The following ATRX variants were observed in gnomAD, a reference collection of about 807,000 sequenced individuals.
ATRX encodes the protein ATRX chromatin remodeler.
ATRX carries 12 observed loss-of-function variants against 172.6 expected under a neutral mutation model. The ratio of observed to expected loss-of-function variants is 0.07; its 90% CI spans 0.04 to 0.11. The LOEUF is 0.11. ATRX is among the 10% of genes least tolerant of loss of function. The probability of loss-of-function intolerance (pLI) is 1.00; values close to 1 mark genes in which losing one functional copy is unlikely to be tolerated. For missense variants in ATRX, 1,368 were observed against 1,767.4 expected (o/e 0.77, Z 4.05); for synonymous variants, 674 against 594.7 (o/e 1.13, Z -1.94).
intron 2 of ATRX, among the ~76,000 whole-genome samples, chrX:77,710,639 C>A (rs782198058): frequency 6.3e-5 from 7 of 111,323 alleles, no homozygotes; most frequent in Admixed American, 1.9e-4. Flanking sequence ...TTGATACATA[C>A]AACAACCTCA....
At chrX:77,647,076 TA>T in intron 15 of ATRX, among the ~76,000 whole-genome samples, 1 of 111,485 alleles carries the variant, frequency 9.0e-6, no homozygotes, top group African/African-American at 3.3e-5. Flanking sequence ...GAGACTGAAG[TA>T]TCTTTTCCAG....
intron 1 of ATRX, among the ~76,000 whole-genome samples, chrX:77,736,797 G>A (rs1426379862): frequency 8.9e-6 from 1 of 112,005 alleles, no homozygotes; most frequent in Non-Finnish European, 1.9e-5. Flanking sequence ...GTTCCCAATA[G>A]CCAGGTTTGG....
chrX:77,745,173 G>GAAAAAAAAAAAAAAAAAAAAAAA (rs1247509964), intron 1 of ATRX, among the ~76,000 whole-genome samples: 1 of 27,446 alleles, frequency 3.6e-5, no homozygotes, highest in Non-Finnish European at 6.4e-5. Context: ...TCTCAAAAAT[G>GAAAAAAAAAAAAAAAAAAAAAAA]AAAAAAAAAA....
At chrX:77,532,672 C>A (rs782644073) in intron 30 of ATRX, among the ~76,000 whole-genome samples, 10 of 111,924 alleles carry the variant, frequency 8.9e-5, no homozygotes, top group African/African-American at 3.2e-4. Context: ...AAATGTAAAA[C>A]TCCAAACTAT....
At chrX:77,571,982 C>T (rs1182980624) in intron 28 of ATRX, among the ~76,000 whole-genome samples, 1 of 111,604 alleles carries the variant, frequency 9.0e-6, no homozygotes, top group Non-Finnish European at 1.9e-5. Flanking sequence ...TATTTATATC[C>T]TATTTACTGA....
intron 10 of ATRX, among the ~76,000 whole-genome samples, chrX:77,669,859 C>T (rs2070461383): frequency 9.1e-6 from 1 of 109,646 alleles, no homozygotes. Flanking sequence ...CCACCATGCC[C>T]GGCTAATTTT....
intron 1 of ATRX, among the ~76,000 whole-genome samples, chrX:77,726,277 G>A (rs2074031078): frequency 9.1e-6 from 1 of 110,486 alleles, no homozygotes; most frequent in Admixed American, 9.7e-5. Context: ...TACACACCAT[G>A]GAATACTATG....
At chrX:77,576,191 T>C (rs2065608670) in intron 27 of ATRX, among the ~76,000 whole-genome samples, 3 of 111,756 alleles carry the variant, frequency 2.7e-5, no homozygotes, top group Non-Finnish European at 5.6e-5. Flanking sequence ...ACAACTGTTT[T>C]TACCCATTAA....
intron 22 of ATRX, among the ~76,000 whole-genome samples, chrX:77,603,618 C>T (rs1436900326): frequency 1.8e-5 from 2 of 108,850 alleles, no homozygotes; most frequent in African/African-American, 3.4e-5. Context: ...TCAAGTGATC[C>T]GCCTGCCTCG....
chrX:77,516,183 T>G (rs1192453390), intron 34 of ATRX, among the ~76,000 whole-genome samples: 5 of 111,615 alleles, frequency 4.5e-5, no homozygotes, highest in African/African-American at 1.6e-4. Flanking sequence ...GACACAGATT[T>G]ACCTATATAA....
intron 1 of ATRX, among the ~76,000 whole-genome samples, chrX:77,759,052 A>G (rs1369874447): frequency 8.9e-6 from 1 of 112,204 alleles, no homozygotes; most frequent in Non-Finnish European, 1.9e-5. Flanking sequence ...CAGAAGCACT[A>G]CAATAAAAAA....
chrX:77,508,194 C>A lies in ATRX; in HGVS notation c.*157G>T. The A allele has an allele frequency of 3.5e-6, 2 of 579,491 alleles. No individual in the cohort carries two copies. Among genetic ancestry groups the A allele is most frequent in the Non-Finnish European group, 5.3e-6 (2 of 380,022 alleles). The allele number at this position is 579,491 out of a possible 1,213,427, so 47.8% of individuals were successfully genotyped here. ...ACAAATGTCAGGAAGAAATGGTATG[C>A]CCTATTTAAAAAAAAAAAAAGTAAA... On this transcript the variant is annotated 3_prime_UTR_variant, in exon 35 of 35. Coordinates refer to ENST00000373344, the MANE Select transcript of ATRX (RefSeq NM_000489.6).
At chrX:77,722,337 T>C (rs1200115085) in intron 1 of ATRX, among the ~76,000 whole-genome samples, 2 of 109,164 alleles carry the variant, frequency 1.8e-5, no homozygotes, top group Non-Finnish European at 3.8e-5. Context: ...GGGATCTAAC[T>C]AAACTAAAGA....
At chrX:77,633,482 A>C in intron 18 of ATRX, 84 bp downstream of exon 18, 1 of 1,078,392 alleles carries the variant, frequency 9.3e-7, no homozygotes, top group Non-Finnish European at 1.3e-6. Context: ...AAAAAACATT[A>C]AAAATTAAAA....
At chrX:77,525,336 C>T (rs1408355457) in intron 30 of ATRX, among the ~76,000 whole-genome samples, 1 of 111,996 alleles carries the variant, frequency 8.9e-6, no homozygotes, top group African/African-American at 3.2e-5. Flanking sequence ...ATTTATTCTA[C>T]TAAAAGATAG....
In ATRX at chrX:77,714,926, G is replaced by T. The variant is rs45579339; in HGVS notation, c.133+2205C>A. Among the ~76,000 whole-genome samples the T allele has an allele frequency of 8.3e-3, 929 of 111,816 alleles. 13 individuals are homozygous for T. The highest frequency in any genetic ancestry group is 0.029 in the African/African-American group (888 of 30,775). On this transcript the variant is annotated intron_variant, in intron 2 of 34. Transcript: ENST00000373344. ...GGCTTAAATAACTTTATGTTATTTA[G>T]TTTACCTACCTATTTAGCTTTCCCA...
At chrX:77,626,659 C>T (rs782034949) in intron 19 of ATRX, among the ~76,000 whole-genome samples, 1 of 111,106 alleles carries the variant, frequency 9.0e-6, no homozygotes, top group Non-Finnish European at 1.9e-5. Flanking sequence ...GCTTTGAGGA[C>T]CACCTAAATG....
intron 1 of ATRX, among the ~76,000 whole-genome samples, chrX:77,771,486 C>T (rs1281166581): frequency 9.1e-6 from 1 of 110,215 alleles, no homozygotes; most frequent in Non-Finnish European, 1.9e-5. Context: ...CTCAAGGCAC[C>T]CAAGGGCTCC....
rs1557207775 is a variant in ATRX, at chrX:77,786,104, C to T, written c.-103G>A. 1 of 972,659 alleles carries T rather than the reference C, an allele frequency of 1.0e-6. No homozygotes were observed. The highest frequency in any genetic ancestry group is 1.9e-5 in the African/African-American group (1 of 51,730). The allele number at this position is 972,659 out of a possible 1,213,427, so 80.2% of individuals were successfully genotyped here. On this transcript the variant is annotated 5_prime_UTR_variant, in exon 1 of 35. In the 5' UTR this introduces an upstream ATG that the reference lacks. Coordinates refer to ENST00000373344, the MANE Select transcript of ATRX (RefSeq NM_000489.6). ...AAATGCACTGGAGTCTTAGTCGTCA[C>T]TGTAGCTGCTGCTGGAACCTCCCCA...
Sources: gnomAD v4.1 joint callset for allele counts (sites outside exome capture counted in the v4.1 genomes callset) on GRCh38, gnomAD v4.1.1 for gene constraint, MANE v1.5 for transcripts, NCBI Gene and HGNC (gene_info 2026-07-23, HGNC 2026-07-21) for gene names.